LRGUK: variants seen among roughly 807,000 people sequenced by gnomAD.
LRGUK encodes the protein leucine-rich repeat and guanylate kinase domain-containing protein.
In LRGUK, 65 loss-of-function variants were observed where a neutral mutation model predicts 76.0. The observed-to-expected ratio is 0.85, with a 90% CI of 0.70 to 1.05. The LOEUF (loss-of-function observed/expected upper bound fraction) is 1.05, where lower values mean the gene tolerates loss of function less well. Among genes scored for constraint, LRGUK ranks in the 50% least tolerant of loss-of-function variants. LRGUK has a pLI of 0.00. For synonymous variants in LRGUK, 268 were observed against 265.6 expected (o/e 1.01, Z -0.09); for missense variants, 758 against 732.8 (o/e 1.03, Z -0.40).
the LRGUK span, among the ~76,000 whole-genome samples, chr7:134,270,042 T>C: frequency 6.6e-6 from 1 of 152,180 alleles, no homozygotes; most frequent in Non-Finnish European, 1.5e-5. Flanking sequence ...AAGGCAAAGA[T>C]GACTACTCTC....
At chr7:134,257,775 G>A (rs1457347816) in intron 18 of LRGUK, among the ~76,000 whole-genome samples, 1 of 151,950 alleles carries the variant, frequency 6.6e-6, no homozygotes, top group Non-Finnish European at 1.5e-5. Flanking sequence ...CTGCCCTCCA[G>A]TCTGGGTGAC....
At chr7:134,225,948 C>G (rs756414855) in intron 16 of LRGUK, among the ~76,000 whole-genome samples, 7 of 152,146 alleles carry the variant, frequency 4.6e-5, no homozygotes, top group African/African-American at 7.2e-5. Flanking sequence ...TCACATACCC[C>G]TCACTGCAAC....
At chr7:134,159,507 C>T (rs571100010) in intron 6 of LRGUK, among the ~76,000 whole-genome samples, 1 of 151,924 alleles carries the variant, frequency 6.6e-6, no homozygotes, top group Non-Finnish European at 1.5e-5. Flanking sequence ...AAAACTCTTC[C>T]AGGCTGGGCG....
At chr7:134,199,754 C>T (rs1800671208) in intron 14 of LRGUK, among the ~76,000 whole-genome samples, 1 of 150,956 alleles carries the variant, frequency 6.6e-6, no homozygotes, top group Admixed American at 6.6e-5. Flanking sequence ...ATATGAAACT[C>T]AGGTAATTTG....
chr7:134,183,946 G>T, intron 11 of LRGUK, 93 bp downstream of exon 11: 1 of 1,465,562 alleles, frequency 6.8e-7, no homozygotes, highest in Non-Finnish European at 9.3e-7. Context: ...TATTGCTAAT[G>T]TTGGCTATTA....
intron 18 of LRGUK, among the ~76,000 whole-genome samples, chr7:134,251,602 A>G (rs1321279395): frequency 1.3e-5 from 2 of 152,188 alleles, no homozygotes; most frequent in Non-Finnish European, 2.9e-5. Flanking sequence ...TGTTCCCTTT[A>G]ACATGCTACA....
intron 12 of LRGUK, among the ~76,000 whole-genome samples, 191 bp downstream of exon 12, chr7:134,191,942 T>C (rs1322375656): frequency 2.0e-5 from 3 of 152,002 alleles, no homozygotes; most frequent in East Asian, 3.8e-4. Context: ...TTTTATTTTA[T>C]GGTCTTGGAG....
chr7:134,212,948 C>T (rs1801330772), downstream of LRGUK, among the ~76,000 whole-genome samples: 2 of 152,154 alleles, frequency 1.3e-5, no homozygotes, highest in South Asian at 2.1e-4. Flanking sequence ...CAAGGAAGGA[C>T]ACTGAATTCG....
chr7:134,267,525 T>A (rs968815029), downstream of LRGUK, among the ~76,000 whole-genome samples: 6 of 152,266 alleles, frequency 3.9e-5, no homozygotes, highest in South Asian at 1.2e-3. Flanking sequence ...GATAATTGAA[T>A]CATGGGGCAC....
rs111357504 is a variant in LRGUK at position 134,221,929 on chromosome 7, A to T, written c.1983+11A>T. The T allele has an allele frequency of 2.1e-4, 328 of 1,581,992 alleles. No homozygotes were observed. The African/African-American group carries it at 3.6e-3, about 18-fold the overall frequency. On this transcript the variant is annotated intron_variant, in intron 16 of 19. Transcript: ENST00000285928. ...AAAAAAACACCAGCGGTAAGAGAGG[A>T]ATAGAAGGGGTGAAGCCACAACTGA...
intron 16 of LRGUK, among the ~76,000 whole-genome samples, chr7:134,233,233 C>T (rs1166057397): frequency 6.6e-6 from 1 of 152,202 alleles, no homozygotes; most frequent in Non-Finnish European, 1.5e-5. Flanking sequence ...TACATGAAGG[C>T]TATGCTGACT....
intron 18 of LRGUK, among the ~76,000 whole-genome samples, chr7:134,256,774 A>G (rs950290975): frequency 1.3e-5 from 2 of 152,148 alleles, no homozygotes; most frequent in Non-Finnish European, 2.9e-5. Flanking sequence ...CTAATATATC[A>G]TCTTATAGCA....
chr7:134,144,808 A>T (rs1311139686), intron 4 of LRGUK, among the ~76,000 whole-genome samples: 1 of 152,134 alleles, frequency 6.6e-6, no homozygotes, highest in African/African-American at 2.4e-5. Context: ...CCAGGATGAC[A>T]TTCCTTTGTG....
chr7:134,135,860 G>T (rs1797511657), intron 1 of LRGUK, among the ~76,000 whole-genome samples: 1 of 152,160 alleles, frequency 6.6e-6, no homozygotes, highest in Non-Finnish European at 1.5e-5. Context: ...GTTTCACCGT[G>T]TTAGCCAGGA....
chr7:134,270,510 G>A, the LRGUK span, among the ~76,000 whole-genome samples: 1 of 152,106 alleles, frequency 6.6e-6, no homozygotes, highest in East Asian at 1.9e-4. Flanking sequence ...CCACCCTGAT[G>A]TAACCATTAT....
At chr7:134,127,747 A>T in intron 1 of LRGUK, 83 bp downstream of exon 1, 1 of 1,350,144 alleles carries the variant, frequency 7.4e-7, no homozygotes, top group African/African-American at 2.5e-5. Context: ...ATGCACCCCC[A>T]CCAGCCCGAA....
At chr7:134,178,942 A>AAAAAAACCAAAAAAAG (rs1799618765) in intron 10 of LRGUK, among the ~76,000 whole-genome samples, 1 of 149,026 alleles carries the variant, frequency 6.7e-6, no homozygotes, top group Admixed American at 6.7e-5. Flanking sequence ...AAAAAAAAAA[A>AAAAAAACCAAAAAAAG]AAAAAACCAG....
intron 6 of LRGUK, 60 bp downstream of exon 6, chr7:134,158,219 A>C (rs529924301): frequency 7.0e-7 from 1 of 1,431,168 alleles, no homozygotes; most frequent in East Asian, 2.3e-5. Flanking sequence ...TAGTAACTAC[A>C]TGAATTATGA....
At chr7:134,164,367 T>G (rs1798883763) in intron 7 of LRGUK, among the ~76,000 whole-genome samples, 1 of 152,130 alleles carries the variant, frequency 6.6e-6, no homozygotes, top group African/African-American at 2.4e-5. Flanking sequence ...CATGGTGGCT[T>G]GGGGACTGGG....
Sources: gnomAD v4.1 joint callset for allele counts (sites outside exome capture counted in the v4.1 genomes callset) on GRCh38, gnomAD v4.1.1 for gene constraint, MANE v1.5 for transcripts, NCBI Gene and HGNC (gene_info 2026-07-23, HGNC 2026-07-21) for gene names.